Variants in SPATA21 observed in about 807,000 individuals in gnomAD.
SPATA21 encodes the protein spermatogenesis-associated protein 21.
SPATA21 carries 47 observed loss-of-function variants against 54.8 expected under a neutral mutation model. The observed-to-expected ratio is 0.86, with a 90% CI of 0.68 to 1.09. SPATA21 has a LOEUF of 1.09. SPATA21 is among the 50% of genes least tolerant of loss of function. The pLI is 0.00. For synonymous variants in SPATA21, 245 were observed against 235.3 expected (o/e 1.04, Z -0.38); for missense variants, 599 against 596.4 (o/e 1.00, Z -0.05).
At chr1:16,422,029 C>T (rs2086187644) in intron 3 of SPATA21, 58 bp from the exon 4 acceptor site, 1 of 1,613,550 alleles carries the variant, frequency 6.2e-7, no homozygotes, top group African/African-American at 1.3e-5. Context: ...CCATGTCCCC[C>T]TGGGCTGGGC....
chr1:16,402,354 T>C (rs978324734), intron 10 of SPATA21, among the ~76,000 whole-genome samples: 5 of 135,894 alleles, frequency 3.7e-5, no homozygotes, highest in African/African-American at 5.5e-5. Flanking sequence ...CTCCGCCTCC[T>C]GGGTTCACGT....
chr1:16,428,898 C>T lies in SPATA21; in HGVS notation c.34+2440G>A, dbSNP rs2086386490. On this transcript the variant is annotated intron_variant, in intron 3 of 12. Coordinates refer to ENST00000335496, the MANE Select transcript of SPATA21 (RefSeq NM_198546.1). This position sits in a 1 kb window ranked among gnomAD's most constrained non-coding sequence, Gnocchi z 4.3. ...CTGTGCTAGGTGCCTTAGTCAACACCGTAAAACAAATGAGGCTGCAAGGGG... is the reference window on the plus strand; with the variant it reads ...CTGTGCTAGGTGCCTTAGTCAACACTGTAAAACAAATGAGGCTGCAAGGGG... 6.6e-6 allele frequency among the ~76,000 whole-genome samples: 1 copy of T among 152,190 alleles called. No individual in the cohort carries two copies. The highest frequency in any genetic ancestry group is 2.4e-5 in the African/African-American group (1 of 41,456).
chr1:16,409,637 T>C lies in SPATA21; in HGVS notation c.551A>G (p.Gln184Arg), dbSNP rs4661746. 478,822 of 1,612,382 alleles carry C rather than the reference T, an allele frequency of 0.3. 76,469 individuals are homozygous for C. Among genetic ancestry groups the C allele is most frequent in the Non-Finnish European group, 0.33 (395,174 of 1,179,712 alleles). The change falls in exon 6 of 13, where the codon CAG (glutamine) becomes CGG (arginine). Residue 184 changes from glutamine to arginine, a missense_variant. Gln to Arg is a conservative substitution (Grantham distance 43, BLOSUM62 1). Transcript: ENST00000335496. The surrounding 1 kb of genome is among the most constrained non-coding windows in gnomAD (Gnocchi z 4.1). ...LGWRRMELLH[Q>R]SSERTLSYAK... Reference sequence around the variant, plus strand: ...GTAGCTCAGGGTTCTCTCGCTGCTCTGGTGCAAGAGTTCCATCCTTCTCCA... The same window carrying C: ...GTAGCTCAGGGTTCTCTCGCTGCTCCGGTGCAAGAGTTCCATCCTTCTCCA...
chr1:16,398,552 G>A (rs914523722), downstream of SPATA21: 5 of 579,948 alleles, frequency 8.6e-6, no homozygotes, highest in African/African-American at 3.8e-5. Flanking sequence ...CCAACCCCGC[G>A]CAGGGCTTTG....
At position 16,400,911 on chromosome 1, in the gene SPATA21, C is replaced by A; in HGVS notation, c.1002-19G>T. 6.2e-7 allele frequency: 1 copy of A among 1,607,658 alleles called. No individual in the cohort carries two copies. The highest frequency in any genetic ancestry group is 8.5e-7 in the Non-Finnish European group (1 of 1,176,700). On this transcript the variant is annotated intron_variant, in intron 10 of 12. Transcript: ENST00000335496. ...GTAGTAGCTGGGGAGGCAGTGCCCA[C>A]CCATCTCAGCCTGGCTGTGTTTAAT... is the stretch of plus-strand genomic sequence containing the variant.
chr1:16,400,697 C>T (rs760915453), intron 11 of SPATA21, 23 bp downstream of exon 11: 13 of 1,567,330 alleles, frequency 8.3e-6, no homozygotes, highest in Non-Finnish European at 1.1e-5. Context: ...CCTAGCCCAT[C>T]CCACCCTGCC....
intron 5 of SPATA21, among the ~76,000 whole-genome samples, chr1:16,415,047 C>T (rs146839209): frequency 2.2e-4 from 33 of 151,846 alleles, no homozygotes; most frequent in African/African-American, 8.0e-4. Context: ...CAATTAAAAG[C>T]AGTTCTGGGC....
At chr1:16,437,678 A>G (rs1344747567), upstream of SPATA21, among the ~76,000 whole-genome samples, 2 of 152,052 alleles carry the variant, frequency 1.3e-5, no homozygotes, top group African/African-American at 4.8e-5. Flanking sequence ...GATTGGCCAC[A>G]TCCCAGTGAC....
chr1:16,406,999 A>T (rs2085662967), intron 7 of SPATA21, among the ~76,000 whole-genome samples: 1 of 152,226 alleles, frequency 6.6e-6, no homozygotes, highest in Non-Finnish European at 1.5e-5. Flanking sequence ...GACGGTGGGC[A>T]TGGGCAGGCT....
chr1:16,432,114 CTTTT>C (rs35240103), intron 2 of SPATA21, among the ~76,000 whole-genome samples: 3 of 133,100 alleles, frequency 2.3e-5, no homozygotes, highest in Admixed American at 7.8e-5. Flanking sequence ...TCTTCTTCTT[CTTTT>C]TTTTTTTTTT....
intron 1 of SPATA21, among the ~76,000 whole-genome samples, chr1:16,436,732 C>T (rs766344180): frequency 1.4e-4 from 22 of 151,734 alleles, no homozygotes; most frequent in Non-Finnish European, 2.5e-4. Context: ...CACCACTACA[C>T]GCCAGCCTGG....
At chr1:16,408,369 G>A (rs2100807570) in intron 7 of SPATA21, 1 of 652,536 alleles carries the variant, frequency 1.5e-6, no homozygotes, top group South Asian at 6.9e-5. Context: ...TAGGCTGGTG[G>A]CCTTGTTTAA....
At chr1:16,405,707 A>G (rs2085617035) in intron 7 of SPATA21, among the ~76,000 whole-genome samples, 3 of 152,050 alleles carry the variant, frequency 2.0e-5, no homozygotes, top group African/African-American at 4.8e-5. Flanking sequence ...CTGACACCAC[A>G]CAGTCTGACT....
At chr1:16,403,945 A>G (rs1160271199) in intron 9 of SPATA21, 23 bp downstream of exon 9, 8 of 1,606,826 alleles carry the variant, frequency 5.0e-6, no homozygotes, top group Non-Finnish European at 6.8e-6. Flanking sequence ...AGTTCTGACT[A>G]CGCTGGGCTC....
At position 16,404,148 on chromosome 1, in the gene SPATA21, G is replaced by A; in HGVS notation, c.812-109C>T. 6.8e-6 allele frequency: 6 copies of A among 883,626 alleles called. No homozygotes were observed. In the South Asian group the frequency reaches 8.9e-5, roughly 13 times the overall value. 54.7% of individuals were successfully genotyped at this position (883,626 alleles called of 1,614,324 possible). ...ACTGTCTGGGTCTGATTATCAAGCA[G>A]TGCATACTCAATGCAGAAAACATGG... On this transcript the variant is annotated intron_variant, in intron 8 of 12. Coordinates refer to ENST00000335496, the MANE Select transcript of SPATA21 (RefSeq NM_198546.1).
intron 10 of SPATA21, among the ~76,000 whole-genome samples, chr1:16,402,554 C>A (rs889778868): frequency 7.3e-5 from 11 of 150,814 alleles, no homozygotes; most frequent in African/African-American, 2.7e-4. Context: ...AGCCACCATG[C>A]CTGGCTTTTC....
chr1:16,412,136 T>C (rs1379734413), intron 5 of SPATA21, among the ~76,000 whole-genome samples: 1 of 152,156 alleles, frequency 6.6e-6, no homozygotes, highest in African/African-American at 2.4e-5. Flanking sequence ...TTGTGCTCCA[T>C]TTCTCAGTGT....
chr1:16,409,071 C>G lies in SPATA21; in HGVS notation c.673+47G>C. ...CCTGCGCCTATAAACCCCCAAGGAC[C>G]AAGGGTCCTGCCTGTGCTGGGACCT... is the stretch of plus-strand genomic sequence containing the variant. On this transcript the variant is annotated intron_variant, in intron 7 of 12. Transcript: ENST00000335496. This position sits in a 1 kb window ranked among gnomAD's most constrained non-coding sequence, Gnocchi z 4.1. 6.2e-7 allele frequency: 1 copy of G among 1,604,338 alleles called. No homozygotes were observed. Among genetic ancestry groups the G allele is most frequent in the South Asian group, 1.1e-5 (1 of 90,864 alleles).
At chr1:16,417,390 C>T (rs1186940360) in intron 5 of SPATA21, among the ~76,000 whole-genome samples, 2 of 151,726 alleles carry the variant, frequency 1.3e-5, no homozygotes, top group East Asian at 3.9e-4. Flanking sequence ...TCCCAAGTAG[C>T]CGGGACTACA....
Sources: gnomAD v4.1 joint callset for allele counts (sites outside exome capture counted in the v4.1 genomes callset) on GRCh38, gnomAD v4.1.1 for gene constraint, Gnocchi (gnomAD v3.1) non-coding constraint, MANE v1.5 for transcripts, NCBI Gene and HGNC (gene_info 2026-07-23, HGNC 2026-07-21) for gene names.